The following DLG1 variants were observed in gnomAD, a reference collection of about 807,000 sequenced individuals.
DLG1 encodes the protein disks large homolog 1.
DLG1 carries 42 observed loss-of-function variants against 123.4 expected under a neutral mutation model. That is an observed-to-expected ratio of 0.34 (90% CI 0.27 to 0.44). The LOEUF (loss-of-function observed/expected upper bound fraction) is 0.44, where lower values mean the gene tolerates loss of function less well. Ranked by LOEUF, DLG1 falls within the 20% of genes least tolerant of loss-of-function variation. The pLI, the probability that DLG1 is intolerant of heterozygous loss-of-function variation, is 1.00. For missense variants in DLG1, 942 were observed against 1,082.6 expected, an observed-to-expected ratio of 0.87 and a Z score of 1.82; for synonymous variants, 317 against 356.2, an observed-to-expected ratio of 0.89 and a Z score of 1.24.
At chr3:197,239,813 G>A (rs1747915546) in intron 4 of DLG1, among the ~76,000 whole-genome samples, 1 of 141,544 alleles carries the variant, frequency 7.1e-6, no homozygotes, top group African/African-American at 2.7e-5. Flanking sequence ...CTCATATGAA[G>A]ATGCGACAGT....
intron 18 of DLG1, among the ~76,000 whole-genome samples, chr3:197,071,178 A>G (rs1743681477): frequency 6.6e-6 from 1 of 152,170 alleles, no homozygotes; most frequent in African/African-American, 2.4e-5. Flanking sequence ...ACCCTCTGCA[A>G]TCTCTAGTTT....
rs1273492803 is a variant in DLG1, at chr3:197,131,580, CTTTCTT to C, written c.1021-915_1021-910del. On this transcript the variant is annotated intron_variant, in intron 10 of 24. Transcript: ENST00000667157. ...TCAGCAAATATAGTTTTATTTCTTC[CTTTCTT>C]TTTTTTTTTTTTTTTTTTTTTTTTT... Among the ~76,000 whole-genome samples, 22 of 120,732 alleles carry C rather than the reference CTTTCTT, an allele frequency of 1.8e-4. 1 individual carries two copies. Among genetic ancestry groups the C allele is most frequent in the Non-Finnish European group, 2.8e-4 (16 of 57,814 alleles). The allele number at this position is 120,732 out of a possible 152,430, so 79.2% of individuals were successfully genotyped here.
intron 4 of DLG1, among the ~76,000 whole-genome samples, chr3:197,216,891 C>T (rs1734377771): frequency 6.6e-6 from 1 of 152,140 alleles, no homozygotes; most frequent in South Asian, 2.1e-4. Context: ...TATTTTACAA[C>T]TACTAGCTGA....
intron 10 of DLG1, among the ~76,000 whole-genome samples, chr3:197,131,582 TTC>T (rs1249760920): frequency 2.7e-4 from 28 of 103,450 alleles, no homozygotes; most frequent in Non-Finnish European, 4.4e-4. Context: ...ATTTCTTCCT[TTC>T]TTTTTTTTTT....
intron 14 of DLG1, among the ~76,000 whole-genome samples, chr3:197,102,787 G>A (rs1470497401): frequency 6.6e-6 from 1 of 152,198 alleles, no homozygotes; most frequent in Non-Finnish European, 1.5e-5. Context: ...GAACCTGGGA[G>A]GCGGAGGTTA....
rs527673399 is a variant in DLG1 at position 197,090,768 on chromosome 3, CAGAG to C, written c.1661+140_1661+143del. ...TTCCAATTCTTGAAAGGCACACTGT[CAGAG>C]AGAATCAATAATAAAAAACAACACT... On this transcript the variant is annotated intron_variant, in intron 15 of 24. Coordinates refer to ENST00000667157, the MANE Select transcript of DLG1 (RefSeq NM_001366207.1). The C allele has an allele frequency of 4.3e-3, 2,067 of 478,516 alleles. 18 individuals carry two copies. Among genetic ancestry groups the C allele is most frequent in the Non-Finnish European group, 5.8e-3 (1,522 of 263,254 alleles). 29.6% of individuals were successfully genotyped at this position (478,516 alleles called of 1,614,324 possible).
At chr3:197,197,162 C>A (rs1223652575) in intron 4 of DLG1, among the ~76,000 whole-genome samples, 1 of 152,146 alleles carries the variant, frequency 6.6e-6, no homozygotes, top group African/African-American at 2.4e-5. Flanking sequence ...AATCATGGGG[C>A]CCTTCAATGC....
intron 4 of DLG1, among the ~76,000 whole-genome samples, chr3:197,241,822 T>C (rs1749046318): frequency 6.6e-6 from 1 of 152,112 alleles, no homozygotes; most frequent in African/African-American, 2.4e-5. Flanking sequence ...GTAACCACGA[T>C]GCAAAAACCT....
chr3:197,270,987 A>C (rs1051539618), intron 4 of DLG1, among the ~76,000 whole-genome samples: 7 of 152,212 alleles, frequency 4.6e-5, no homozygotes, highest in African/African-American at 1.7e-4. Context: ...TCTCTTCAAA[A>C]AGGTAATGTC....
intron 4 of DLG1, among the ~76,000 whole-genome samples, chr3:197,198,039 T>C (rs1209759772): frequency 1.3e-5 from 2 of 152,204 alleles, no homozygotes; most frequent in African/African-American, 2.4e-5. Context: ...TGTAAATCTT[T>C]GTGACCTTAG....
intron 9 of DLG1, 27 bp downstream of exon 9, chr3:197,138,187 CTTAAAGAT>C (rs1560965006): frequency 7.5e-7 from 1 of 1,333,216 alleles, no homozygotes; most frequent in Admixed American, 2.3e-5. Context: ...TCAGAGATTT[CTTAAAGAT>C]TTATCTTAGT....
At chr3:197,291,014 T>C (rs1482022929) in intron 3 of DLG1, among the ~76,000 whole-genome samples, 1 of 151,920 alleles carries the variant, frequency 6.6e-6, no homozygotes, top group Admixed American at 6.6e-5. Flanking sequence ...CAAGTCTGGA[T>C]TCTGCACTGA....
intron 4 of DLG1, among the ~76,000 whole-genome samples, chr3:197,250,568 C>CAAAAA (rs201198758): frequency 2.7e-5 from 2 of 72,994 alleles, no homozygotes; most frequent in African/African-American, 1.0e-4. Context: ...GACTCCGTCT[C>CAAAAA]AAAAAAAAAA....
chr3:197,114,435 G>GT (rs1339670319), intron 13 of DLG1, among the ~76,000 whole-genome samples: 1 of 152,146 alleles, frequency 6.6e-6, no homozygotes, highest in Non-Finnish European at 1.5e-5. Context: ...ACATAAAACA[G>GT]TATCTTCAAA....
chr3:197,157,631 T>C (rs1796942346), intron 5 of DLG1, among the ~76,000 whole-genome samples: 1 of 152,210 alleles, frequency 6.6e-6, no homozygotes, highest in African/African-American at 2.4e-5. Context: ...AAGCAATCTA[T>C]AGACTTAATG....
intron 5 of DLG1, among the ~76,000 whole-genome samples, chr3:197,173,758 A>G (rs1329159221): frequency 6.6e-6 from 1 of 152,230 alleles, no homozygotes. Context: ...TTGTAGTTCA[A>G]AAGTAGTCAT....
intron 4 of DLG1, among the ~76,000 whole-genome samples, chr3:197,242,860 T>C (rs146807443): frequency 3.3e-5 from 5 of 152,184 alleles, no homozygotes; most frequent in African/African-American, 1.2e-4. Context: ...TCTCAGCACT[T>C]TGGGAGGTCA....
At chr3:197,153,258 T>TA in intron 5 of DLG1, among the ~76,000 whole-genome samples, 1 of 152,268 alleles carries the variant, frequency 6.6e-6, no homozygotes, top group East Asian at 1.9e-4. Flanking sequence ...GGAAAGAAGG[T>TA]AGAGTAGGAA....
At chr3:197,091,048 T>A in intron 14 of DLG1, 22 bp from the exon 15 acceptor site, 1 of 1,463,818 alleles carries the variant, frequency 6.8e-7, no homozygotes, top group Non-Finnish European at 9.6e-7. Context: ...AAAAGAGAAA[T>A]AAATTGATAT....
Sources: gnomAD v4.1 joint callset for allele counts (sites outside exome capture counted in the v4.1 genomes callset) on GRCh38, gnomAD v4.1.1 for gene constraint, MANE v1.5 for transcripts, NCBI Gene and HGNC (gene_info 2026-07-23, HGNC 2026-07-21) for gene names.